FOXO3: variants seen among roughly 807,000 people sequenced by gnomAD.
The protein encoded by FOXO3 is forkhead box protein O3.
FOXO3 carries 4 observed loss-of-function variants against 41.9 expected under a neutral mutation model. The ratio of observed to expected loss-of-function variants is 0.10; its 90% CI spans 0.05 to 0.22. The LOEUF (loss-of-function observed/expected upper bound fraction) is 0.22. Ranked by LOEUF, FOXO3 falls within the 10% of genes least tolerant of loss-of-function variation. FOXO3 has a pLI of 1.00. For synonymous variants in FOXO3, 318 were observed against 389.3 expected (o/e 0.82, Z 2.16); for missense variants, 534 against 906.8 (o/e 0.59, Z 5.28).
At chr6:108,611,245 G>C (rs1777355910) in intron 1 of FOXO3, among the ~76,000 whole-genome samples, 1 of 152,094 alleles carries the variant, frequency 6.6e-6, no homozygotes, top group South Asian at 2.1e-4. Flanking sequence ...AAATATACCG[G>C]AATATTTTAT....
intron 2 of FOXO3, among the ~76,000 whole-genome samples, chr6:108,672,932 A>G (rs566104991): frequency 5.3e-5 from 8 of 152,276 alleles, no homozygotes; most frequent in Admixed American, 2.6e-4. Context: ...GACTAAGAAG[A>G]GAAGGCCAGA....
rs1778927745 is a variant in FOXO3, at chr6:108,663,347, A to G, written c.622-108A>G. 3.4e-6 allele frequency: 5 copies of G among 1,463,436 alleles called. No homozygotes were observed. In the South Asian group the frequency reaches 5.9e-5, roughly 17 times the overall value. The allele number at this position is 1,463,436 out of a possible 1,614,324, so 90.7% of individuals were successfully genotyped here. On this transcript the variant is annotated intron_variant, in intron 1 of 2. Transcript: ENST00000406360. Reference sequence around the variant, plus strand: ...GGGCAGCAGAGTGAGACCTTGTCTCAAAAAAATAAAATAAAAAATGAATGA... The same window carrying G: ...GGGCAGCAGAGTGAGACCTTGTCTCGAAAAAATAAAATAAAAAATGAATGA...
At chr6:108,666,969 G>A (rs1445572390) in intron 2 of FOXO3, among the ~76,000 whole-genome samples, 1 of 152,170 alleles carries the variant, frequency 6.6e-6, no homozygotes, top group Admixed American at 6.5e-5. Flanking sequence ...ATTCAAAGCT[G>A]TAAAAACTTG....
At chr6:108,609,471 C>T (rs918910517) in intron 1 of FOXO3, among the ~76,000 whole-genome samples, 1 of 152,144 alleles carries the variant, frequency 6.6e-6, no homozygotes, top group African/African-American at 2.4e-5. Context: ...TAAAGCTGTG[C>T]TCTTGATCTC....
At chr6:108,623,795 C>T (rs1777737226) in intron 1 of FOXO3, among the ~76,000 whole-genome samples, 1 of 152,256 alleles carries the variant, frequency 6.6e-6, no homozygotes, top group African/African-American at 2.4e-5. Flanking sequence ...AGCCTTCCTC[C>T]TCTTATAATG....
intron 1 of FOXO3, among the ~76,000 whole-genome samples, chr6:108,577,080 A>G (rs1776283344): frequency 6.6e-6 from 1 of 152,160 alleles, no homozygotes; most frequent in Non-Finnish European, 1.5e-5. Flanking sequence ...CGTTTAAAAA[A>G]ACAGTTAATT....
At chr6:108,636,833 T>C (rs1233465885) in intron 1 of FOXO3, among the ~76,000 whole-genome samples, 2 of 152,178 alleles carry the variant, frequency 1.3e-5, no homozygotes, top group Non-Finnish European at 2.9e-5. Context: ...TCCAGCCTGA[T>C]TTGCATCCCT....
chr6:108,674,978 T>A lies in FOXO3; in HGVS notation c.*35-4849T>A, dbSNP rs146483024. Reference sequence around the variant, plus strand: ...AAGAAAATACTAAATCTCTGCAACTTTGCTATTGACAGTAAATCAATACCT... The same window carrying A: ...AAGAAAATACTAAATCTCTGCAACTATGCTATTGACAGTAAATCAATACCT... On this transcript the variant is annotated intron_variant, in intron 2 of 2. Coordinates refer to ENST00000406360, the MANE Select transcript of FOXO3 (RefSeq NM_001455.4). Among the ~76,000 whole-genome samples the A allele has an allele frequency of 5.7e-3, 870 of 152,290 alleles. 22 individuals are homozygous for A. The highest frequency in any genetic ancestry group is 0.047 in the Admixed American group (716 of 15,306).
intron 1 of FOXO3, among the ~76,000 whole-genome samples, chr6:108,582,110 G>A (rs181028213): frequency 6.6e-6 from 1 of 152,314 alleles, no homozygotes; most frequent in East Asian, 1.9e-4. Flanking sequence ...TAGGGACAAC[G>A]TATTTTTCCT....
At chr6:108,616,274 C>T (rs570372096) in intron 1 of FOXO3, among the ~76,000 whole-genome samples, 1 of 151,214 alleles carries the variant, frequency 6.6e-6, no homozygotes, top group African/African-American at 2.4e-5. Context: ...ACACCATTCT[C>T]CTACCTCAGC....
At chr6:108,667,214 G>A (rs1779090990) in intron 2 of FOXO3, among the ~76,000 whole-genome samples, 1 of 152,200 alleles carries the variant, frequency 6.6e-6, no homozygotes, top group South Asian at 2.1e-4. Context: ...TAGGGTGGTA[G>A]TACTTCCATG....
intron 1 of FOXO3, among the ~76,000 whole-genome samples, chr6:108,618,691 A>G (rs949326675): frequency 6.6e-6 from 1 of 152,210 alleles, no homozygotes; most frequent in African/African-American, 2.4e-5. Flanking sequence ...TGCTAGCTTT[A>G]TGTGAACTGT....
intron 1 of FOXO3, among the ~76,000 whole-genome samples, chr6:108,647,681 G>A (rs1407175475): frequency 6.6e-6 from 1 of 152,124 alleles, no homozygotes; most frequent in Non-Finnish European, 1.5e-5. Context: ...ACACCATAGT[G>A]AATATACCCC....
At chr6:108,616,902 T>G (rs1169225595) in intron 1 of FOXO3, among the ~76,000 whole-genome samples, 1 of 152,210 alleles carries the variant, frequency 6.6e-6, no homozygotes, top group Non-Finnish European at 1.5e-5. Flanking sequence ...ACTTTGTGAG[T>G]GCCTTCTTTC....
At chr6:108,662,514 G>A (rs956322924) in intron 1 of FOXO3, among the ~76,000 whole-genome samples, 1 of 152,086 alleles carries the variant, frequency 6.6e-6, no homozygotes, top group African/African-American at 2.4e-5. Flanking sequence ...AATCAACCTG[G>A]CAAATCCTGC....
intron 1 of FOXO3, among the ~76,000 whole-genome samples, chr6:108,595,699 C>CGA (rs1776863271): frequency 2.0e-5 from 3 of 152,186 alleles, no homozygotes; most frequent in Non-Finnish European, 4.4e-5. Flanking sequence ...CTACATTTCC[C>CGA]ATTCCTAAGA....
intron 1 of FOXO3, among the ~76,000 whole-genome samples, chr6:108,585,366 A>G (rs866826760): frequency 1.7e-4 from 26 of 151,462 alleles, no homozygotes; most frequent in African/African-American, 4.6e-4. Context: ...TCTTCAAGCC[A>G]TGAAGAATCT....
intron 1 of FOXO3, among the ~76,000 whole-genome samples, chr6:108,630,355 G>A (rs916409917): frequency 3.3e-5 from 5 of 152,116 alleles, no homozygotes; most frequent in African/African-American, 9.7e-5. Flanking sequence ...GAGGGTGTTA[G>A]GTAGGAGTAG....
chr6:108,668,637 G>A (rs1471362558), intron 2 of FOXO3, among the ~76,000 whole-genome samples: 3 of 152,116 alleles, frequency 2.0e-5, no homozygotes, highest in Admixed American at 2.0e-4. Flanking sequence ...CACCATTAGG[G>A]AGCAGCCCAA....
Sources: allele counts gnomAD v4.1 joint callset (sites outside exome capture counted in the v4.1 genomes callset), GRCh38; gene constraint gnomAD v4.1.1; transcripts MANE v1.5; gene names NCBI Gene and HGNC (gene_info 2026-07-23, HGNC 2026-07-21).